Variants in DTX4 observed in about 807,000 individuals in gnomAD.
The protein encoded by DTX4 is deltex E3 ubiquitin ligase 4.
DTX4 carries 28 observed loss-of-function variants against 57.6 expected under a neutral mutation model. The observed-to-expected ratio is 0.49, with a 90% CI of 0.36 to 0.67. The LOEUF (loss-of-function observed/expected upper bound fraction) is 0.67, where lower values mean the gene tolerates loss of function less well. Ranked by LOEUF, DTX4 falls within the 30% of genes least tolerant of loss-of-function variation. DTX4 has a pLI of 0.00. For synonymous variants in DTX4, 316 were observed against 331.0 expected, an observed-to-expected ratio of 0.95 and a Z score of 0.49; for missense variants, 715 against 836.8, an observed-to-expected ratio of 0.85 and a Z score of 1.80.
At chr11:59,199,795 T>A (rs759227852) in intron 8 of DTX4, 22 bp downstream of exon 8, 2 of 1,547,120 alleles carry the variant, frequency 1.3e-6, no homozygotes, top group Admixed American at 3.9e-5. Flanking sequence ...AGTTTCCACA[T>A]AGAACTAGGT....
chr11:59,205,147 G>T lies in DTX4; in HGVS notation c.*238G>T, dbSNP rs1471248787. 1 of 487,814 alleles carries T rather than the reference G, an allele frequency of 2.0e-6. No homozygotes were observed. The highest frequency in any genetic ancestry group is 3.7e-6 in the Non-Finnish European group (1 of 267,036). The allele number at this position is 487,814 out of a possible 1,614,324, so 30.2% of individuals were successfully genotyped here. ...ATGGGATGAGGGCCATCCTGGGTCT[G>T]TTCCCATGGAGTTTTTGGTGCTGGG... is the stretch of plus-strand genomic sequence containing the variant. On this transcript the variant is annotated 3_prime_UTR_variant, in exon 9 of 9. Transcript: ENST00000227451.
At position 59,205,094 on chromosome 11, in the gene DTX4, T is replaced by A; in HGVS notation, c.*185T>A. On this transcript the variant is annotated 3_prime_UTR_variant, in exon 9 of 9. Transcript: ENST00000227451. ...GCCAGACTGAATATAGCGACATCAT[T>A]CATAAATCTCATCCAACACAAAGGG... 1 of 587,998 alleles carries A rather than the reference T, an allele frequency of 1.7e-6. No individual in the cohort carries two copies. Among genetic ancestry groups the A allele is most frequent in the Admixed American group, 3.0e-5 (1 of 33,532 alleles). The allele number at this position is 587,998 out of a possible 1,614,324, so 36.4% of individuals were successfully genotyped here. A position where few individuals can be genotyped will look rare whatever the true frequency, so the allele number is the denominator to read the frequency against.
At chr11:59,204,086 C>T (rs940620978) in intron 8 of DTX4, among the ~76,000 whole-genome samples, 1 of 152,066 alleles carries the variant, frequency 6.6e-6, no homozygotes, top group Non-Finnish European at 1.5e-5. Context: ...TGATTTAGAA[C>T]ATTCTGCAAG....
At chr11:59,203,776 T>G (rs1862768488) in intron 8 of DTX4, among the ~76,000 whole-genome samples, 1 of 152,250 alleles carries the variant, frequency 6.6e-6, no homozygotes, top group Non-Finnish European at 1.5e-5. Flanking sequence ...TCACTATGTG[T>G]GGCACATGGG....
intron 6 of DTX4, among the ~76,000 whole-genome samples, chr11:59,193,617 T>G (rs1251214869): frequency 6.6e-6 from 1 of 152,242 alleles, no homozygotes; most frequent in Non-Finnish European, 1.5e-5. Context: ...TTTATTTCCA[T>G]GGGGCTTTCA....
chr11:59,190,926 A>T (rs1301759837), intron 4 of DTX4, among the ~76,000 whole-genome samples, 188 bp from the exon 5 acceptor site: 1 of 152,174 alleles, frequency 6.6e-6, no homozygotes, highest in African/African-American at 2.4e-5. Context: ...TTCTCGTCAA[A>T]CCATCTCACT....
chr11:59,205,170 G>C lies in DTX4; in HGVS notation c.*261G>C. The C allele has an allele frequency of 2.3e-6, 1 of 437,588 alleles. No homozygotes were observed. Among genetic ancestry groups the C allele is most frequent in the Non-Finnish European group, 4.2e-6 (1 of 235,712 alleles). 27.1% of individuals were successfully genotyped at this position (437,588 alleles called of 1,614,324 possible). A position where few individuals can be genotyped will look rare whatever the true frequency, so the allele number is the denominator to read the frequency against. On this transcript the variant is annotated 3_prime_UTR_variant, in exon 9 of 9. Transcript: ENST00000227451. ...CTGTTCCCATGGAGTTTTTGGTGCT[G>C]GGTAGGCAGGAATCCCCTCCCTACC... is the stretch of plus-strand genomic sequence containing the variant.
intron 2 of DTX4, among the ~76,000 whole-genome samples, chr11:59,184,254 G>C (rs1862500340): frequency 6.6e-6 from 1 of 152,194 alleles, no homozygotes; most frequent in Non-Finnish European, 1.5e-5. Context: ...CCTGTGCTGG[G>C]TAAGAACCCG....
At position 59,204,736 on chromosome 11, in the gene DTX4, A is replaced by G. The variant is rs780685890; in HGVS notation, c.1687A>G (p.Ser563Gly). 1 of 1,613,800 alleles carries G rather than the reference A, an allele frequency of 6.2e-7. No individual in the cohort carries two copies. Among genetic ancestry groups the G allele is most frequent in the Non-Finnish European group, 8.5e-7 (1 of 1,179,816 alleles). The stretch of plus-strand genomic sequence containing the variant: ...CCTCATTTTTGCCATTGGCACCTCC[A>G]GCACCACAGGCGAGTCAGACACCGT... ...RRLIFAIGTS[S>G]TTGESDTVIW... Residue 563 changes from serine (S) to glycine (G), a missense_variant, in exon 9 of 9, where the codon AGC (serine) becomes GGC (glycine). Transcript: ENST00000227451.
rs1862607094 is a variant in DTX4 at position 59,192,146 on chromosome 11, G to A, written c.1270G>A (p.Gly424Ser). ...CCTCACGGCCCCCTCAGGCTACAAG[G>A]GCCCGCAGCCTACGGTAAAACCTGA... ...ERLTAPSGYK[G>S]PQPTVKPDLV... Residue 424 changes from glycine (G) to serine (S), a missense_variant, in exon 6 of 9, where the codon GGC becomes AGC. Physicochemically the swap from Gly to Ser is moderately conservative, Grantham distance 56. Coordinates refer to ENST00000227451, the MANE Select transcript of DTX4 (RefSeq NM_015177.2). 1 of 1,613,886 alleles carries A rather than the reference G, an allele frequency of 6.2e-7. No individual in the cohort carries two copies. The highest frequency in any genetic ancestry group is 8.5e-7 in the Non-Finnish European group (1 of 1,179,898).
chr11:59,186,092 C>A (rs1055723957), intron 2 of DTX4, among the ~76,000 whole-genome samples: 1 of 152,144 alleles, frequency 6.6e-6, no homozygotes, highest in Non-Finnish European at 1.5e-5. Context: ...CTCCCCAGAC[C>A]CCTCCTTCCC....
chr11:59,172,521 C>A lies in DTX4; in HGVS notation c.-75C>A. 1 of 1,050,866 alleles carries A rather than the reference C, an allele frequency of 9.5e-7. No homozygotes were observed. Among genetic ancestry groups the A allele is most frequent in the South Asian group, 3.2e-5 (1 of 30,774 alleles). 65.1% of individuals were successfully genotyped at this position (1,050,866 alleles called of 1,614,324 possible). ...CGGTCGAGGCCCGGAGGCGGCGGCG[C>A]AGGAGGAAGCGGAGGAGGTCGGGCG... On this transcript the variant is annotated 5_prime_UTR_variant, in exon 1 of 9. Transcript: ENST00000227451.
rs1590980882 is a variant in DTX4 at position 59,181,966 on chromosome 11, A to T, written c.439A>T (p.Thr147Ser). ...CACCATGGGCCAGATCAACCGTCAG[A>T]CCCAGCGCCAACGCCGCGTCCGCCG... The part of the protein sequence containing the change: ...FNTMGQINRQ[T>S]QRQRRVRRRL... The change falls in exon 2 of 9, where the codon ACC becomes TCC. Residue 147 changes from threonine to serine, a missense_variant. Thr to Ser is a moderately conservative substitution (Grantham distance 58, BLOSUM62 1). Transcript: ENST00000227451. 1 of 1,613,930 alleles carries T rather than the reference A, an allele frequency of 6.2e-7. No individual in the cohort carries two copies. The highest frequency in any genetic ancestry group is 1.3e-5 in the African/African-American group (1 of 75,030).
chr11:59,206,732 C>T lies in DTX4; in HGVS notation c.*1823C>T, dbSNP rs928149882. The T allele has an allele frequency of 2.0e-5, 3 of 152,578 alleles. No homozygotes were observed. Among genetic ancestry groups the T allele is most frequent in the Admixed American group, 2.0e-4 (3 of 15,276 alleles). 9.5% of individuals were successfully genotyped at this position (152,578 alleles called of 1,614,324 possible). ...CCTGCCTGTCAGTCGATTCACCTGC[C>T]TGTCACCCAGTTCTGTGGATGTGCT... On this transcript the variant is annotated 3_prime_UTR_variant, in exon 9 of 9. Coordinates refer to ENST00000227451, the MANE Select transcript of DTX4 (RefSeq NM_015177.2).
chr11:59,192,027 G>A lies in DTX4; in HGVS notation c.1222-71G>A, dbSNP rs565408431. The A allele has an allele frequency of 2.2e-4, 342 of 1,556,806 alleles. 2 individuals carry two copies. In the African/African-American group the frequency reaches 4.3e-3, roughly 19 times the overall value. ...AGTGGTAAGAGCTCATCTGACCTCT[G>A]AGATCATGTGGAAATCTCCCAGGCT... On this transcript the variant is annotated intron_variant, in intron 5 of 8. Coordinates refer to ENST00000227451, the MANE Select transcript of DTX4 (RefSeq NM_015177.2).
Position 59,199,726 on chromosome 11 carries a change from G to A in DTX4, c.1579G>A (p.Gly527Ser). ...PNPGKSFSARGFPRHCYLPDS... is the reference protein window; with the variant it reads ...PNPGKSFSARSFPRHCYLPDS... ...TCCTGGGAAGAGTTTCAGCGCCCGA[G>A]GCTTCCCACGACACTGTTACCTTCC... Residue 527 changes from glycine (G) to serine (S), a missense_variant, in exon 8 of 9, where the codon GGC becomes AGC. Transcript: ENST00000227451. 6.3e-7 allele frequency: 1 copy of A among 1,576,360 alleles called. No homozygotes were observed. The highest frequency in any genetic ancestry group is 8.6e-7 in the Non-Finnish European group (1 of 1,160,752).
Position 59,204,934 on chromosome 11 carries a change from G to A in DTX4, c.*25G>A. The A allele has an allele frequency of 1.3e-6, 2 of 1,550,368 alleles. No individual in the cohort carries two copies. The highest frequency in any genetic ancestry group is 1.9e-5 in the Admixed American group (1 of 51,608). The stretch of plus-strand genomic sequence containing the variant: ...AGGCCAGAAAAGCTTTGAGGTGGGA[G>A]GGGCCATGGAGACTGCAGGACAGGA... On this transcript the variant is annotated 3_prime_UTR_variant, in exon 9 of 9. Transcript: ENST00000227451.
rs564247528 is a variant in DTX4 at position 59,207,569 on chromosome 11, G to T, written c.*2660G>T. 8 of 152,786 alleles carry T rather than the reference G, an allele frequency of 5.2e-5. 2 individuals are homozygous for T. The highest frequency in any genetic ancestry group is 1.9e-4 in the African/African-American group (8 of 41,552). 9.5% of individuals were successfully genotyped at this position (152,786 alleles called of 1,614,324 possible). On this transcript the variant is annotated 3_prime_UTR_variant, in exon 9 of 9. Transcript: ENST00000227451. Reference sequence around the variant, plus strand: ...CTTTGTCTTGTGCCAACCTGGAAAGGTGCAGTCTAGATTTCAGTGAGAACC... The same window carrying T: ...CTTTGTCTTGTGCCAACCTGGAAAGTTGCAGTCTAGATTTCAGTGAGAACC...
At chr11:59,187,407 G>C (rs551470685) in intron 2 of DTX4, among the ~76,000 whole-genome samples, 6 of 152,316 alleles carry the variant, frequency 3.9e-5, no homozygotes, top group South Asian at 2.1e-4. Context: ...GCCACTGTTG[G>C]GGGGAGGTGA....
Sources: gnomAD v4.1 joint callset for allele counts (sites outside exome capture counted in the v4.1 genomes callset) on GRCh38, gnomAD v4.1.1 for gene constraint, MANE v1.5 for transcripts, NCBI Gene and HGNC (gene_info 2026-07-23, HGNC 2026-07-21) for gene names.